Variants in DNAJC15 observed in about 807,000 individuals in gnomAD.
DNAJC15 encodes the protein dnaJ homolog subfamily C member 15.
Under a neutral mutation model 22.4 loss-of-function variants are expected in DNAJC15, and 27 were observed. The ratio of observed to expected loss-of-function variants is 1.20; its 90% CI spans 0.89 to 1.66. The LOEUF (loss-of-function observed/expected upper bound fraction) is 1.66. Ranked by LOEUF, DNAJC15 falls within the 40% of genes most tolerant of loss-of-function variation. The pLI is 0.00. For synonymous variants in DNAJC15, 79 were observed against 63.2 expected, an observed-to-expected ratio of 1.25 and a Z score of -1.19; for missense variants, 208 against 187.1, an observed-to-expected ratio of 1.11 and a Z score of -0.65.
intron 1 of DNAJC15, among the ~76,000 whole-genome samples, chr13:43,047,584 G>A (rs1412003783): frequency 6.6e-6 from 1 of 152,200 alleles, no homozygotes; most frequent in African/African-American, 2.4e-5. Context: ...AGCATGTTAG[G>A]ATACAGGTAT....
At chr13:43,042,770 A>G (rs1447527743) in intron 1 of DNAJC15, among the ~76,000 whole-genome samples, 1 of 152,222 alleles carries the variant, frequency 6.6e-6, no homozygotes, top group Non-Finnish European at 1.5e-5. Context: ...AATCCTTGCA[A>G]ATGATTGGTC....
At chr13:43,077,275 T>C (rs1050959104) in intron 3 of DNAJC15, among the ~76,000 whole-genome samples, 1 of 152,210 alleles carries the variant, frequency 6.6e-6, no homozygotes, top group African/African-American at 2.4e-5. Flanking sequence ...CTTGAAGTCA[T>C]TTGCACAGCT....
chr13:43,041,245 G>A (rs1400009188), intron 1 of DNAJC15, among the ~76,000 whole-genome samples: 3 of 152,176 alleles, frequency 2.0e-5, no homozygotes. Context: ...AGGGAGTGGT[G>A]ATGACTCTTA....
intron 1 of DNAJC15, among the ~76,000 whole-genome samples, chr13:43,034,367 G>C (rs112206002): frequency 6.6e-5 from 9 of 135,690 alleles, no homozygotes; most frequent in East Asian, 2.1e-4. Context: ...CCAGACTGGA[G>C]TGCAGTGGCG....
intron 5 of DNAJC15, among the ~76,000 whole-genome samples, chr13:43,100,533 C>T (rs919521879): frequency 6.6e-6 from 1 of 152,074 alleles, no homozygotes; most frequent in Non-Finnish European, 1.5e-5. Flanking sequence ...TTAACATAGA[C>T]ATTTATAGCA....
chr13:43,053,843 A>G (rs2040517064), intron 1 of DNAJC15, among the ~76,000 whole-genome samples: 1 of 151,578 alleles, frequency 6.6e-6, no homozygotes, highest in South Asian at 2.1e-4. Context: ...CTGGTATACA[A>G]TCATATCTTC....
Position 43,096,355 on chromosome 13 carries a change from TGTTA to T in DNAJC15, c.382+10518_382+10521del, listed in dbSNP as rs199899666. Among the ~76,000 whole-genome samples, 753 of 152,354 alleles carry T rather than the reference TGTTA, an allele frequency of 4.9e-3. 7 individuals are homozygous for T. Among genetic ancestry groups the T allele is most frequent in the Admixed American group, 5.4e-3 (83 of 15,308 alleles). On this transcript the variant is annotated intron_variant, in intron 5 of 5. Transcript: ENST00000379221. ...ATATTACTGCAATCCTCTATTTATTTGTTATGCATTCATTCAATTAATATTTATC... is the reference window on the plus strand; with the variant it reads ...ATATTACTGCAATCCTCTATTTATTTTGCATTCATTCAATTAATATTTATC...
Position 43,092,557 on chromosome 13 carries a change from C to T in DNAJC15, c.382+6719C>T, listed in dbSNP as rs867445788. 3.5e-4 allele frequency among the ~76,000 whole-genome samples: 53 copies of T among 151,860 alleles called. No homozygotes were observed. In the Middle Eastern group the frequency reaches 0.014, roughly 40 times the overall value. On this transcript the variant is annotated intron_variant, in intron 5 of 5. Transcript: ENST00000379221. ...TACTTTTTGTTTTCTATTTGACTCA[C>T]CTATATTCCTTTTTCTGACCCTTTA...
chr13:43,056,374 G>T (rs1053925203), intron 1 of DNAJC15, among the ~76,000 whole-genome samples: 16 of 152,142 alleles, frequency 1.1e-4, no homozygotes, highest in African/African-American at 3.9e-4. Context: ...CTGACCTCAG[G>T]TGATCCACCT....
intron 1 of DNAJC15, among the ~76,000 whole-genome samples, chr13:43,057,120 C>T (rs145854603): frequency 6.6e-6 from 1 of 152,234 alleles, no homozygotes; most frequent in East Asian, 1.9e-4. Flanking sequence ...TCCAGGTGTT[C>T]TTAGAGCTTC....
At chr13:43,035,080 G>A (rs2040423325) in intron 1 of DNAJC15, among the ~76,000 whole-genome samples, 1 of 152,110 alleles carries the variant, frequency 6.6e-6, no homozygotes, top group South Asian at 2.1e-4. Context: ...AGATATCCTT[G>A]TCTTGGTACA....
In DNAJC15 at chr13:43,053,128, A is replaced by G. The variant is rs187905995; in HGVS notation, c.109-12558A>G. Among the ~76,000 whole-genome samples, 145 of 152,296 alleles carry G rather than the reference A, an allele frequency of 9.5e-4. 4 individuals carry two copies. The East Asian group carries it at 0.02, about 21-fold the overall frequency. On this transcript the variant is annotated intron_variant, in intron 1 of 5. Transcript: ENST00000379221. Reference sequence around the variant, plus strand: ...TTCATTCTTCCACATGTGGCTTGCCAGTTATCTCAGCACCATTTGTTGAAT... The same window carrying G: ...TTCATTCTTCCACATGTGGCTTGCCGGTTATCTCAGCACCATTTGTTGAAT...
intron 1 of DNAJC15, among the ~76,000 whole-genome samples, chr13:43,056,858 T>C (rs1463918449): frequency 6.6e-6 from 1 of 152,236 alleles, no homozygotes; most frequent in Admixed American, 6.5e-5. Flanking sequence ...TCCATTGTCA[T>C]GGAATACCTT....
Position 43,023,613 on chromosome 13 carries a change from C to T in DNAJC15, c.-14C>T, listed in dbSNP as rs926486580. On this transcript the variant is annotated 5_prime_UTR_variant, in exon 1 of 6. Coordinates refer to ENST00000379221, the MANE Select transcript of DNAJC15 (RefSeq NM_013238.3). The stretch of plus-strand genomic sequence containing the variant: ...TCACTGCCGCGGCGCCTTGAGTCTC[C>T]GGGCCGCCTTGCCATGGCTGCCCGT... 2 of 1,604,324 alleles carry T rather than the reference C, an allele frequency of 1.2e-6. No individual in the cohort carries two copies. Among genetic ancestry groups the T allele is most frequent in the Admixed American group, 1.7e-5 (1 of 59,076 alleles).
At position 43,035,012 on chromosome 13, in the gene DNAJC15, C is replaced by G. The variant is rs1168740306; in HGVS notation, c.108+11278C>G. On this transcript the variant is annotated intron_variant, in intron 1 of 5. Transcript: ENST00000379221. Reference sequence around the variant, plus strand: ...CCCTCATCCATTTTTATCCTCCCACCCAAATGTTCCCCAATTCCTTTATCT... The same window carrying G: ...CCCTCATCCATTTTTATCCTCCCACGCAAATGTTCCCCAATTCCTTTATCT... Among the ~76,000 whole-genome samples the G allele has an allele frequency of 2.0e-5, 3 of 152,270 alleles. No individual in the cohort carries two copies. The East Asian group carries it at 5.8e-4, about 29-fold the overall frequency.
intron 1 of DNAJC15, among the ~76,000 whole-genome samples, chr13:43,041,213 G>C (rs920363655): frequency 6.6e-6 from 1 of 152,188 alleles, no homozygotes; most frequent in Non-Finnish European, 1.5e-5. Flanking sequence ...GCAGGGTTTT[G>C]TGTCCCTGGG....
chr13:43,093,874 G>A (rs1035649718), intron 5 of DNAJC15, among the ~76,000 whole-genome samples: 7 of 151,842 alleles, frequency 4.6e-5, no homozygotes, highest in Non-Finnish European at 8.8e-5. Context: ...TTACATTTTT[G>A]CACATCTCTT....
At chr13:43,034,028 C>CAAG (rs1555273793) in intron 1 of DNAJC15, among the ~76,000 whole-genome samples, 2 of 108,684 alleles carry the variant, frequency 1.8e-5, no homozygotes, top group African/African-American at 6.3e-5. Context: ...AACTTCATCT[C>CAAG]AAAAAAAAAA....
In DNAJC15 at chr13:43,108,510, C is replaced by T. The variant is rs554726560; in HGVS notation, c.*1262C>T. 1 of 152,302 alleles carries T rather than the reference C, an allele frequency of 6.6e-6. No homozygotes were observed. The highest frequency in any genetic ancestry group is 1.9e-4 in the East Asian group (1 of 5,180). The allele number at this position is 152,302 out of a possible 1,614,324, so 9.4% of individuals were successfully genotyped here. On this transcript the variant is annotated 3_prime_UTR_variant, in exon 6 of 6. Transcript: ENST00000379221. ...TTGGGTTCATTCCAGGTAAACTGAA[C>T]TACTGCATTGTTTCTATCTTAAAAT...
Sources: allele counts gnomAD v4.1 joint callset (sites outside exome capture counted in the v4.1 genomes callset), GRCh38; gene constraint gnomAD v4.1.1; transcripts MANE v1.5; gene names NCBI Gene and HGNC (gene_info 2026-07-23, HGNC 2026-07-21).